The following PCDH9 variants were observed in gnomAD, a reference collection of about 807,000 sequenced individuals.
PCDH9 encodes the protein protocadherin-9.
Under a neutral mutation model 70.6 loss-of-function variants are expected in PCDH9, and 24 were observed. The ratio of observed to expected loss-of-function variants is 0.34; its 90% CI spans 0.25 to 0.48. PCDH9 has a LOEUF of 0.48. PCDH9 is among the 20% of genes least tolerant of loss of function. The pLI is 0.99. For missense variants in PCDH9, 1,281 were observed against 1,503.6 expected (o/e 0.85, Z 2.45); for synonymous variants, 562 against 558.5 (o/e 1.01, Z -0.09).
At chr13:66,690,194 T>C (rs1303062536) in intron 3 of PCDH9, among the ~76,000 whole-genome samples, 1 of 152,220 alleles carries the variant, frequency 6.6e-6, no homozygotes, top group Non-Finnish European at 1.5e-5. Context: ...ATTTAAACAA[T>C]ACTTTTTTGA....
At chr13:66,880,551 G>GA (rs551880923) in intron 3 of PCDH9, among the ~76,000 whole-genome samples, 10 of 151,900 alleles carry the variant, frequency 6.6e-5, no homozygotes, top group Middle Eastern at 3.4e-3. Flanking sequence ...TACATTTAAA[G>GA]AAAAAAAATC....
chr13:66,998,236 G>A (rs191491133), intron 2 of PCDH9, among the ~76,000 whole-genome samples: 11 of 152,186 alleles, frequency 7.2e-5, no homozygotes, highest in Non-Finnish European at 1.3e-4. Flanking sequence ...AAGAGGGCAG[G>A]AATAGCAAGG....
intron 4 of PCDH9, among the ~76,000 whole-genome samples, chr13:66,448,199 G>GA (rs1401402034): frequency 6.6e-6 from 1 of 152,172 alleles, no homozygotes; most frequent in Non-Finnish European, 1.5e-5. Flanking sequence ...CTTGAAATGA[G>GA]AAAATCTCAT....
At chr13:66,312,124 G>A (rs1405671437) in intron 4 of PCDH9, among the ~76,000 whole-genome samples, 1 of 152,124 alleles carries the variant, frequency 6.6e-6, no homozygotes, top group Non-Finnish European at 1.5e-5. Flanking sequence ...GAATTGGTAT[G>A]GACTTTAAGA....
At chr13:66,622,084 G>C (rs905355688) in intron 4 of PCDH9, among the ~76,000 whole-genome samples, 1 of 152,244 alleles carries the variant, frequency 6.6e-6, no homozygotes, top group Non-Finnish European at 1.5e-5. Flanking sequence ...GAGGGGCTTA[G>C]CACCCGGGCC....
At chr13:66,877,394 T>TTG (rs1555280189) in intron 3 of PCDH9, among the ~76,000 whole-genome samples, 6 of 151,732 alleles carry the variant, frequency 4.0e-5, no homozygotes, top group African/African-American at 1.5e-4. Context: ...GTTTTTTTTT[T>TTG]TTGTTATTAT....
At chr13:67,059,594 G>A (rs934884654) in intron 2 of PCDH9, among the ~76,000 whole-genome samples, 8 of 151,596 alleles carry the variant, frequency 5.3e-5, no homozygotes, top group Non-Finnish European at 7.4e-5. Context: ...CTTGGGAAGA[G>A]AGTCCAGGCA....
intron 3 of PCDH9, among the ~76,000 whole-genome samples, chr13:66,701,133 G>A (rs1459354586): frequency 5.3e-5 from 8 of 151,262 alleles, no homozygotes. Context: ...TTCGTAAACT[G>A]GGTCAAAATG....
chr13:67,166,059 T>C (rs1035444140), intron 2 of PCDH9, among the ~76,000 whole-genome samples: 8 of 152,100 alleles, frequency 5.3e-5, no homozygotes, highest in Non-Finnish European at 1.0e-4. Context: ...TGGTGTGGAG[T>C]CAATTTGCCT....
chr13:66,697,388 T>C (rs2078578292), intron 3 of PCDH9, among the ~76,000 whole-genome samples: 2 of 152,124 alleles, frequency 1.3e-5, no homozygotes, highest in South Asian at 2.1e-4. Context: ...GGCTCTCACA[T>C]ACATAAAGAT....
chr13:66,799,411 T>C (rs544940151), intron 3 of PCDH9, among the ~76,000 whole-genome samples: 3 of 152,192 alleles, frequency 2.0e-5, no homozygotes, highest in South Asian at 4.1e-4. Context: ...ACAAAATCTT[T>C]CTGCATTGAG....
At chr13:66,420,002 A>C (rs1957535028) in intron 4 of PCDH9, among the ~76,000 whole-genome samples, 1 of 152,086 alleles carries the variant, frequency 6.6e-6, no homozygotes, top group Admixed American at 6.5e-5. Flanking sequence ...GGCATCCGCC[A>C]TTACTGAGGC....
intron 4 of PCDH9, among the ~76,000 whole-genome samples, chr13:66,439,136 CA>C (rs2138396489): frequency 6.6e-6 from 1 of 152,312 alleles, no homozygotes; most frequent in Admixed American, 6.5e-5. Flanking sequence ...AGCTTCCCTT[CA>C]TCTTTGTTAA....
chr13:66,626,515 A>T (rs554687218), intron 4 of PCDH9, among the ~76,000 whole-genome samples: 71 of 152,318 alleles, frequency 4.7e-4, no homozygotes, highest in African/African-American at 1.7e-3. Flanking sequence ...GACAATGGAC[A>T]TATAAGCAGA....
intron 3 of PCDH9, among the ~76,000 whole-genome samples, chr13:66,776,630 G>A (rs2079898520): frequency 6.6e-6 from 1 of 152,060 alleles, no homozygotes; most frequent in Admixed American, 6.6e-5. Flanking sequence ...ATATAAAAGA[G>A]GATACAAACA....
intron 4 of PCDH9, among the ~76,000 whole-genome samples, chr13:66,518,749 C>T (rs1593611063): frequency 6.6e-6 from 1 of 152,202 alleles, no homozygotes; most frequent in East Asian, 1.9e-4. Flanking sequence ...TTGACTTGCG[C>T]TACTCCAAAA....
intron 3 of PCDH9, among the ~76,000 whole-genome samples, chr13:66,806,785 C>T (rs2080417806): frequency 6.6e-6 from 1 of 152,166 alleles, no homozygotes; most frequent in Non-Finnish European, 1.5e-5. Flanking sequence ...ACAGCACCTG[C>T]AGGCAAGCAT....
chr13:66,597,346 C>T (rs934108791), intron 4 of PCDH9, among the ~76,000 whole-genome samples: 6 of 151,678 alleles, frequency 4.0e-5, no homozygotes, highest in Non-Finnish European at 8.8e-5. Context: ...CAAAGCTACA[C>T]TAATCAAAAC....
intron 4 of PCDH9, among the ~76,000 whole-genome samples, chr13:66,522,217 CA>C (rs1393006781): frequency 6.6e-6 from 1 of 151,530 alleles, no homozygotes. Context: ...GGGGTAAAAT[CA>C]AGGCATGGCA....
Sources: gnomAD v4.1 joint callset for allele counts (sites outside exome capture counted in the v4.1 genomes callset) on GRCh38, gnomAD v4.1.1 for gene constraint, MANE v1.5 for transcripts, NCBI Gene and HGNC (gene_info 2026-07-23, HGNC 2026-07-21) for gene names.